The following CTNNA2 variants were observed in gnomAD, a reference collection of about 807,000 sequenced individuals.
The protein encoded by CTNNA2 is catenin alpha 2, also known as catenin alpha-2.
CTNNA2 carries 42 observed loss-of-function variants against 101.0 expected under a neutral mutation model. The ratio of observed to expected loss-of-function variants is 0.42; its 90% CI spans 0.32 to 0.54. The LOEUF (loss-of-function observed/expected upper bound fraction) is 0.54. Among genes scored for constraint, CTNNA2 ranks in the 20% least tolerant of loss-of-function variants. CTNNA2 has a pLI of 0.14. For synonymous variants in CTNNA2, 450 were observed against 456.4 expected (o/e 0.99, Z 0.18); for missense variants, 871 against 1,223.1 (o/e 0.71, Z 4.29).
intron 7 of CTNNA2, among the ~76,000 whole-genome samples, chr2:80,183,750 CT>C (rs1705938971): frequency 6.6e-6 from 1 of 152,178 alleles, no homozygotes; most frequent in Non-Finnish European, 1.5e-5. Context: ...GAGTAAATCA[CT>C]TGATATTTAG....
chr2:79,648,212 G>C (rs1196309629), intron 1 of CTNNA2, among the ~76,000 whole-genome samples: 1 of 152,138 alleles, frequency 6.6e-6, no homozygotes, highest in Non-Finnish European at 1.5e-5. Context: ...ACCTTATTGT[G>C]TGTGCTTGTC....
At chr2:79,605,656 C>T (rs1677840394) in intron 1 of CTNNA2, among the ~76,000 whole-genome samples, 1 of 152,072 alleles carries the variant, frequency 6.6e-6, no homozygotes, top group Non-Finnish European at 1.5e-5. Flanking sequence ...GTAATCACAG[C>T]ACTTTGGGAG....
intron 6 of CTNNA2, among the ~76,000 whole-genome samples, chr2:79,895,259 C>CA (rs1684623645): frequency 6.6e-6 from 1 of 152,144 alleles, no homozygotes; most frequent in Non-Finnish European, 1.5e-5. Context: ...TCCTGTGAGA[C>CA]AAAAACTGTT....
intron 12 of CTNNA2, among the ~76,000 whole-genome samples, chr2:80,569,327 GA>G (rs1310523685): frequency 6.6e-6 from 1 of 152,126 alleles, no homozygotes; most frequent in Non-Finnish European, 1.5e-5. Flanking sequence ...GCTGCATACA[GA>G]AATATAGCTA....
chr2:79,920,307 G>C (rs1686565311), intron 7 of CTNNA2, among the ~76,000 whole-genome samples: 2 of 152,128 alleles, frequency 1.3e-5, no homozygotes, highest in Non-Finnish European at 2.9e-5. Flanking sequence ...CAAATATGTT[G>C]CTCTTGACTA....
At chr2:80,497,947 T>G (rs1376539092) in intron 9 of CTNNA2, among the ~76,000 whole-genome samples, 1 of 152,190 alleles carries the variant, frequency 6.6e-6, no homozygotes, top group Non-Finnish European at 1.5e-5. Flanking sequence ...CATGAAACCC[T>G]GTTCCCAAAG....
At chr2:80,325,657 G>T (rs1225606601) in intron 7 of CTNNA2, among the ~76,000 whole-genome samples, 1 of 152,162 alleles carries the variant, frequency 6.6e-6, no homozygotes, top group Non-Finnish European at 1.5e-5. Context: ...TGGCAAAGAA[G>T]ATGGTTATGG....
chr2:80,438,920 GCT>G (rs1553520108), intron 9 of CTNNA2, among the ~76,000 whole-genome samples: 8 of 152,166 alleles, frequency 5.3e-5, no homozygotes, highest in Non-Finnish European at 1.2e-4. Flanking sequence ...TCCTTTTTAT[GCT>G]CTGTCTGAGA....
intron 9 of CTNNA2, among the ~76,000 whole-genome samples, chr2:80,475,105 C>A (rs1489580199): frequency 6.6e-6 from 1 of 152,114 alleles, no homozygotes; most frequent in African/African-American, 2.4e-5. Context: ...GTCATCAGCA[C>A]CCTTTTCCAA....
In CTNNA2 at chr2:80,574,167, G is replaced by T. The variant is rs1240105518; in HGVS notation, c.1746G>T (p.Met582Ile). 1 of 1,610,590 alleles carries T rather than the reference G, an allele frequency of 6.2e-7. No homozygotes were observed. Among genetic ancestry groups the T allele is most frequent in the East Asian group, 2.2e-5 (1 of 44,808 alleles). Reference protein sequence around the residue: ...EATKLLSETVMPRFAEQVEVA... With the variant: ...EATKLLSETVIPRFAEQVEVA... ...TGCTTTTTATTTTTAACCCAGTGAT[G>T]CCACGCTTCGCTGAACAAGTAGAGG... The change falls in exon 13 of 19, where the codon ATG becomes ATT. Residue 582 changes from methionine (M) to isoleucine (I), a missense_variant. By Grantham distance (10) the Met-to-Ile change is conservative. Transcript: ENST00000402739.
At chr2:79,290,272 G>A (rs1675761922) in intron 2 of CTNNA2, among the ~76,000 whole-genome samples, 1 of 152,124 alleles carries the variant, frequency 6.6e-6, no homozygotes, top group African/African-American at 2.4e-5. Context: ...GATTAATAGA[G>A]CATTGGTTAC....
At chr2:79,699,841 A>G (rs918675693) in intron 2 of CTNNA2, among the ~76,000 whole-genome samples, 58 of 135,352 alleles carry the variant, frequency 4.3e-4, no homozygotes, top group East Asian at 1.6e-3. Context: ...ACGTGTGTGT[A>G]TATATATATG....
chr2:80,632,144 C>T (rs1032733474), intron 18 of CTNNA2, among the ~76,000 whole-genome samples: 14 of 152,048 alleles, frequency 9.2e-5, no homozygotes, highest in African/African-American at 1.9e-4. Flanking sequence ...ATTTGTACAG[C>T]GAATCCCAGC....
At chr2:79,679,408 C>A (rs1039521565) in intron 2 of CTNNA2, among the ~76,000 whole-genome samples, 4 of 152,240 alleles carry the variant, frequency 2.6e-5, no homozygotes, top group South Asian at 4.2e-4. Context: ...CTCTTAGCCT[C>A]ACCATGTCCC....
chr2:79,615,545 T>C (rs140482950), intron 1 of CTNNA2, among the ~76,000 whole-genome samples: 1 of 152,300 alleles, frequency 6.6e-6, no homozygotes, highest in East Asian at 1.9e-4. Context: ...TACATGGTTG[T>C]GTGAAAGAGT....
chr2:79,490,810 G>C (rs1671201013), intron 4 of CTNNA2, among the ~76,000 whole-genome samples: 1 of 152,186 alleles, frequency 6.6e-6, no homozygotes, highest in Non-Finnish European at 1.5e-5. Context: ...CCTTAGAGGA[G>C]ACAAGGATGC....
intron 1 of CTNNA2, among the ~76,000 whole-genome samples, chr2:79,190,824 AT>A (rs1673844530): frequency 6.6e-6 from 1 of 152,186 alleles, no homozygotes. Context: ...AGAGAAATAC[AT>A]TTTAATAAGC....
intron 7 of CTNNA2, among the ~76,000 whole-genome samples, chr2:80,258,718 G>T (rs1465290739): frequency 2.0e-5 from 3 of 152,092 alleles, no homozygotes; most frequent in Non-Finnish European, 2.9e-5. Flanking sequence ...AACCATAACC[G>T]GCAGGGAAGG....
At position 80,309,389 on chromosome 2, in the gene CTNNA2, G is replaced by A. The variant is rs150660395; in HGVS notation, c.1057-83822G>A. On this transcript the variant is annotated intron_variant, in intron 7 of 18. Coordinates refer to ENST00000402739, the MANE Select transcript of CTNNA2 (RefSeq NM_001282597.3). ...CTTTTTCTTCTTCTGAACTCCATTA[G>A]CAGCTTACTTTTATCAATCTTGTGG... Among the ~76,000 whole-genome samples, 24 of 152,228 alleles carry A rather than the reference G, an allele frequency of 1.6e-4. No homozygotes were observed. In the East Asian group the frequency reaches 4.3e-3, roughly 27 times the overall value.
Sources: allele counts gnomAD v4.1 joint callset (sites outside exome capture counted in the v4.1 genomes callset), GRCh38; gene constraint gnomAD v4.1.1; transcripts MANE v1.5; gene names NCBI Gene and HGNC (gene_info 2026-07-23, HGNC 2026-07-21).